Variants in NRG1 observed in about 807,000 individuals in gnomAD.
NRG1 encodes pro-neuregulin-1, membrane-bound isoform.
Under a neutral mutation model 63.8 loss-of-function variants are expected in NRG1, and 18 were observed. The ratio of observed to expected loss-of-function variants is 0.28; its 90% CI spans 0.19 to 0.42. The LOEUF (loss-of-function observed/expected upper bound fraction) is 0.42. Among genes scored for constraint, NRG1 ranks in the 10% least tolerant of loss-of-function variants. The pLI, the probability that NRG1 is intolerant of heterozygous loss-of-function variation, is 1.00. For synonymous variants in NRG1, 302 were observed against 301.3 expected (o/e 1.00, Z -0.02); for missense variants, 762 against 814.7 (o/e 0.94, Z 0.79).
chr8:32,721,101 G>A (rs1820506600), intron 5 of NRG1, among the ~76,000 whole-genome samples: 1 of 152,168 alleles, frequency 6.6e-6, no homozygotes, highest in African/African-American at 2.4e-5. Context: ...ACCCACTTAG[G>A]AAGCATTTTC....
intron 1 of NRG1, among the ~76,000 whole-genome samples, chr8:32,510,116 A>C (rs572358731): frequency 1.0e-3 from 122 of 120,278 alleles, no homozygotes; most frequent in African/African-American, 3.3e-3. Flanking sequence ...TAATAATAAT[A>C]ATAATAATAA....
intron 1 of NRG1, among the ~76,000 whole-genome samples, chr8:32,164,961 G>C (rs1839243828): frequency 6.6e-6 from 1 of 152,184 alleles, no homozygotes; most frequent in South Asian, 2.1e-4. Context: ...CTTAGCTCCA[G>C]TATATAAATA....
intron 5 of NRG1, among the ~76,000 whole-genome samples, chr8:32,670,656 G>A (rs900497186): frequency 1.3e-5 from 2 of 152,156 alleles, no homozygotes; most frequent in African/African-American, 4.8e-5. Flanking sequence ...TGTTTGGGTA[G>A]CATTTTAAAA....
intron 1 of NRG1, among the ~76,000 whole-genome samples, chr8:31,641,936 T>C (rs895289244): frequency 6.6e-6 from 1 of 152,220 alleles, no homozygotes; most frequent in African/African-American, 2.4e-5. Context: ...GGTTAAGTCC[T>C]GCTGTTAATT....
chr8:32,647,908 C>G, intron 5 of NRG1: 1 of 1,614,158 alleles, frequency 6.2e-7, no homozygotes, highest in Non-Finnish European at 8.5e-7. Context: ...TGCCTAGAAG[C>G]TGAGCGCCTG....
chr8:31,954,204 GC>G (rs1486215265), intron 1 of NRG1, among the ~76,000 whole-genome samples: 6 of 152,080 alleles, frequency 3.9e-5, no homozygotes, highest in African/African-American at 1.4e-4. Flanking sequence ...AACAGACCTA[GC>G]CCTAGATTTT....
chr8:32,766,342 C>T (rs1366604601), exon 12 of NRG1: 1 of 152,120 alleles, frequency 6.6e-6, no homozygotes, highest in Admixed American at 6.6e-5. Flanking sequence ...ACAGTGGTAT[C>T]CTCATTTGCT....
At chr8:31,840,779 G>T (rs533058127) in intron 1 of NRG1, among the ~76,000 whole-genome samples, 1 of 152,278 alleles carries the variant, frequency 6.6e-6, no homozygotes, top group East Asian at 1.9e-4. Flanking sequence ...TAGAGCAACT[G>T]CATGTTTGTA....
chr8:32,445,045 A>C (rs1820069542), intron 1 of NRG1, among the ~76,000 whole-genome samples: 1 of 152,194 alleles, frequency 6.6e-6, no homozygotes. Context: ...GGCAATACCA[A>C]GATTGATCAT....
Position 32,582,069 on chromosome 8 carries a change from C to CTATTT in NRG1, c.101-13737_101-13733dup, listed in dbSNP as rs71208197. 2.3e-3 allele frequency among the ~76,000 whole-genome samples: 337 copies of CTATTT among 145,242 alleles called. 5 individuals are homozygous for CTATTT. The highest frequency in any genetic ancestry group is 0.018 in the East Asian group (88 of 4,986). ...GCTTTAAATAATCTAACCATGAACT[C>CTATTT]TATTTTATTTTATTTTATTTTATTT... On this transcript the variant is annotated intron_variant, in intron 1 of 11. Transcript: ENST00000356819.
chr8:32,085,700 C>T (rs183584244), intron 1 of NRG1, among the ~76,000 whole-genome samples: 2 of 152,260 alleles, frequency 1.3e-5, no homozygotes, highest in Admixed American at 1.3e-4. Flanking sequence ...ATGCCTCTAA[C>T]TACAACATAT....
intron 1 of NRG1, among the ~76,000 whole-genome samples, chr8:31,912,712 C>T (rs1372611538): frequency 1.3e-5 from 2 of 151,734 alleles, no homozygotes; most frequent in African/African-American, 2.4e-5. Flanking sequence ...TATGTAGTTC[C>T]GTCTCTTGCT....
chr8:31,737,359 A>T (rs1220370732), intron 1 of NRG1, among the ~76,000 whole-genome samples: 2 of 152,046 alleles, frequency 1.3e-5, no homozygotes, highest in Non-Finnish European at 2.9e-5. Context: ...TTATGTTGTA[A>T]TTTCTTTTTA....
At chr8:32,287,565 G>A (rs910817695) in intron 1 of NRG1, 32 of 152,274 alleles carry the variant, frequency 2.1e-4, no homozygotes, top group African/African-American at 6.5e-4. Context: ...TCTTTTCCAT[G>A]TGTTCTTGGA....
intron 1 of NRG1, among the ~76,000 whole-genome samples, chr8:32,069,031 A>C (rs557168457): frequency 1.4e-4 from 22 of 152,316 alleles, no homozygotes; most frequent in African/African-American, 5.3e-4. Flanking sequence ...TGGTATCAGG[A>C]AGTTTTTCCA....
chr8:31,692,836 T>C (rs1027873465), intron 1 of NRG1, among the ~76,000 whole-genome samples: 1 of 152,126 alleles, frequency 6.6e-6, no homozygotes, highest in Non-Finnish European at 1.5e-5. Context: ...GGTAGTGAAA[T>C]CTTTGTGAGG....
At chr8:32,170,388 G>A (rs913440595) in intron 1 of NRG1, among the ~76,000 whole-genome samples, 4 of 152,140 alleles carry the variant, frequency 2.6e-5, no homozygotes, top group African/African-American at 9.7e-5. Context: ...CAGATCCCCT[G>A]CTTTGTCTGG....
At chr8:31,714,632 T>C (rs1812166455) in intron 1 of NRG1, among the ~76,000 whole-genome samples, 1 of 152,146 alleles carries the variant, frequency 6.6e-6, no homozygotes, top group Non-Finnish European at 1.5e-5. Flanking sequence ...AGTTAGGAAA[T>C]AAAAAGCACT....
At chr8:32,693,551 CAAA>C (rs765480717) in intron 5 of NRG1, among the ~76,000 whole-genome samples, 2 of 68,012 alleles carry the variant, frequency 2.9e-5, no homozygotes, top group Non-Finnish European at 6.3e-5. Context: ...TTTTCATTTC[CAAA>C]AAAAAAAAAA....
Sources: gnomAD v4.1 joint callset for allele counts (sites outside exome capture counted in the v4.1 genomes callset) on GRCh38, gnomAD v4.1.1 for gene constraint, MANE v1.5 for transcripts, NCBI Gene and HGNC (gene_info 2026-07-23, HGNC 2026-07-21) for gene names.